The following RPS6KA5 variants were observed in gnomAD, a reference collection of about 807,000 sequenced individuals.
RPS6KA5 encodes ribosomal protein S6 kinase A5.
Under a neutral mutation model 85.5 loss-of-function variants are expected in RPS6KA5, and 27 were observed. The ratio of observed to expected loss-of-function variants is 0.32; its 90% CI spans 0.23 to 0.44. The LOEUF is 0.44. RPS6KA5 is among the 20% of genes least tolerant of loss of function. RPS6KA5 has a pLI of 1.00. For synonymous variants in RPS6KA5, 334 were observed against 348.2 expected (o/e 0.96, Z 0.46); for missense variants, 811 against 980.9 (o/e 0.83, Z 2.31).
In RPS6KA5 at chr14:90,975,666, C is replaced by T. The variant is rs188684851; in HGVS notation, c.394+2640G>A. Among the ~76,000 whole-genome samples, 55 of 152,292 alleles carry T rather than the reference C, an allele frequency of 3.6e-4. No homozygotes were observed. In the Middle Eastern group the frequency reaches 0.01, roughly 28 times the overall value. ...AAATAAATGTCTATTGTTTAAGCCA[C>T]CCAGCCCTAGCAAACTAATATAGGG... On this transcript the variant is annotated intron_variant, in intron 3 of 16. Transcript: ENST00000614987.
chr14:91,000,381 A>C (rs1297018299), intron 2 of RPS6KA5, among the ~76,000 whole-genome samples: 1 of 152,204 alleles, frequency 6.6e-6, no homozygotes, highest in Non-Finnish European at 1.5e-5. Flanking sequence ...TCATTATTAC[A>C]AATTACGTTC....
intron 3 of RPS6KA5, among the ~76,000 whole-genome samples, chr14:90,972,595 C>A (rs755535877): frequency 2.6e-5 from 4 of 152,128 alleles, no homozygotes; most frequent in Admixed American, 6.6e-5. Context: ...ATACGCCATC[C>A]ACATGGATCC....
chr14:91,020,512 T>G (rs2041703325), intron 1 of RPS6KA5, among the ~76,000 whole-genome samples: 1 of 146,698 alleles, frequency 6.8e-6, no homozygotes, highest in African/African-American at 2.5e-5. Flanking sequence ...GAAACCAATC[T>G]CCTATGGATG....
At chr14:90,998,653 G>A (rs567527943) in intron 2 of RPS6KA5, among the ~76,000 whole-genome samples, 48 of 152,278 alleles carry the variant, frequency 3.2e-4, no homozygotes, top group African/African-American at 1.1e-3. Context: ...GAATACAGTG[G>A]GGTAGAGCTT....
In RPS6KA5 at chr14:90,856,878, G is replaced by A; in HGVS notation, c.*15196C>T. 1 of 171,004 alleles carries A rather than the reference G, an allele frequency of 5.8e-6. No individual in the cohort carries two copies. Among genetic ancestry groups the A allele is most frequent in the Non-Finnish European group, 1.2e-5 (1 of 81,224 alleles). 10.6% of individuals were successfully genotyped at this position (171,004 alleles called of 1,614,324 possible). On this transcript the variant is annotated 3_prime_UTR_variant, in exon 17 of 17. Transcript: ENST00000614987. ...CTAATCTTTCTGTCTCTATGGATTTGCCCATTCTGGACATTTCATGTAAGT... is the reference window on the plus strand; with the variant it reads ...CTAATCTTTCTGTCTCTATGGATTTACCCATTCTGGACATTTCATGTAAGT...
At chr14:90,874,561 G>A (rs1039007292) in intron 15 of RPS6KA5, among the ~76,000 whole-genome samples, 6 of 152,194 alleles carry the variant, frequency 3.9e-5, no homozygotes, top group African/African-American at 1.4e-4. Flanking sequence ...AGTCTGACCT[G>A]AAGCAAACAG....
rs141555106 is a variant in RPS6KA5, at chr14:90,994,703, C to G, written c.175+6385G>C. 4.3e-3 allele frequency among the ~76,000 whole-genome samples: 644 copies of G among 151,130 alleles called. 4 individuals are homozygous for G. Among genetic ancestry groups the G allele is most frequent in the African/African-American group, 0.014 (594 of 41,164 alleles). ...TCTCCTGTCTCAGCCTCCCAACTAG[C>G]TGGGAGTACAGGTGCCCGCCACCAT... On this transcript the variant is annotated intron_variant, in intron 2 of 16. Coordinates refer to ENST00000614987, the MANE Select transcript of RPS6KA5 (RefSeq NM_004755.4).
At chr14:90,903,679 C>T (rs2035319779) in intron 8 of RPS6KA5, among the ~76,000 whole-genome samples, 1 of 152,194 alleles carries the variant, frequency 6.6e-6, no homozygotes, top group Admixed American at 6.5e-5. Flanking sequence ...TTTCTTTGTG[C>T]TCCTTCTATC....
chr14:90,924,171 TAAATA>T (rs2036545488), intron 5 of RPS6KA5, among the ~76,000 whole-genome samples: 1 of 152,138 alleles, frequency 6.6e-6, no homozygotes, highest in African/African-American at 2.4e-5. Flanking sequence ...AGAATAGTAG[TAAATA>T]AAGACAAACA....
Position 90,871,888 on chromosome 14 carries a change from C to T in RPS6KA5, c.*186G>A. 1 of 671,962 alleles carries T rather than the reference C, an allele frequency of 1.5e-6. No individual in the cohort carries two copies. Among genetic ancestry groups the T allele is most frequent in the Non-Finnish European group, 2.5e-6 (1 of 406,468 alleles). The allele number at this position is 671,962 out of a possible 1,614,324, so 41.6% of individuals were successfully genotyped here. ...TAAAAAGAGTAATATGTGCTCTATT[C>T]ACAGTAACATTCTCTGTCCAGTGCT... is the stretch of plus-strand genomic sequence containing the variant. On this transcript the variant is annotated 3_prime_UTR_variant, in exon 17 of 17. Coordinates refer to ENST00000614987, the MANE Select transcript of RPS6KA5 (RefSeq NM_004755.4).
intron 5 of RPS6KA5, among the ~76,000 whole-genome samples, chr14:90,928,678 A>ACTTGTAAAT (rs1241822897): frequency 6.6e-6 from 1 of 151,400 alleles, no homozygotes; most frequent in Non-Finnish European, 1.5e-5. Flanking sequence ...CTCTAAATAT[A>ACTTGTAAAT]CTTGTAAATA....
At chr14:91,025,103 G>A (rs1203758951) in intron 1 of RPS6KA5, among the ~76,000 whole-genome samples, 3 of 152,018 alleles carry the variant, frequency 2.0e-5, no homozygotes, top group African/African-American at 4.8e-5. Flanking sequence ...GGAGTGCAGT[G>A]GTACGATCTC....
At chr14:90,984,111 G>A (rs2039959673) in intron 2 of RPS6KA5, among the ~76,000 whole-genome samples, 1 of 152,166 alleles carries the variant, frequency 6.6e-6, no homozygotes, top group African/African-American at 2.4e-5. Flanking sequence ...TTCCCAAAGT[G>A]CTGGGATTAC....
chr14:90,950,033 G>A (rs752255339), intron 3 of RPS6KA5, among the ~76,000 whole-genome samples: 7 of 152,174 alleles, frequency 4.6e-5, no homozygotes, highest in African/African-American at 9.7e-5. Context: ...CATGGATGAC[G>A]CAGTGGTGAG....
At position 90,894,226 on chromosome 14, in the gene RPS6KA5, A is replaced by C. The variant is rs910648604; in HGVS notation, c.1644+187T>G. On this transcript the variant is annotated intron_variant, in intron 13 of 16. Transcript: ENST00000614987. Reference sequence around the variant, plus strand: ...ATGATCAGCTGGCAAAAAATAAACAAAGACAAATTTATTTTAGACTGAAAT... The same window carrying C: ...ATGATCAGCTGGCAAAAAATAAACACAGACAAATTTATTTTAGACTGAAAT... 2.0e-5 allele frequency: 25 copies of C among 1,233,050 alleles called. No individual in the cohort carries two copies. The South Asian group carries it at 8.4e-4, about 42-fold the overall frequency. 76.4% of individuals were successfully genotyped at this position (1,233,050 alleles called of 1,614,324 possible). A position where few individuals can be genotyped will look rare whatever the true frequency, so the allele number is the denominator to read the frequency against.
chr14:90,999,458 C>T (rs943637485), intron 2 of RPS6KA5, among the ~76,000 whole-genome samples: 3 of 152,086 alleles, frequency 2.0e-5, no homozygotes, highest in Non-Finnish European at 2.9e-5. Flanking sequence ...CTCTGATGCT[C>T]TCCCTGGTCT....
intron 1 of RPS6KA5, among the ~76,000 whole-genome samples, chr14:91,027,033 C>T (rs1289318073): frequency 6.6e-6 from 1 of 152,148 alleles, no homozygotes; most frequent in African/African-American, 2.4e-5. Flanking sequence ...AGGCCTTTGT[C>T]AGATACATAG....
At chr14:90,983,807 C>CTCTG (rs1156886776) in intron 2 of RPS6KA5, among the ~76,000 whole-genome samples, 5,230 of 123,322 alleles carry the variant, frequency 0.042, 257 homozygotes, top group East Asian at 0.12. Context: ...CTCTCTCTCT[C>CTCTG]TCTCTCTCTG....
chr14:90,951,118 CAAA>C (rs57389099), intron 3 of RPS6KA5, among the ~76,000 whole-genome samples: 1 of 84,538 alleles, frequency 1.2e-5, no homozygotes, highest in Non-Finnish European at 2.2e-5. Flanking sequence ...GACTCAGTCT[CAAA>C]AAAAAAAAAA....
Sources: gnomAD v4.1 joint callset for allele counts (sites outside exome capture counted in the v4.1 genomes callset) on GRCh38, gnomAD v4.1.1 for gene constraint, MANE v1.5 for transcripts, NCBI Gene and HGNC (gene_info 2026-07-23, HGNC 2026-07-21) for gene names.